ABCA9: variants seen among roughly 807,000 people sequenced by gnomAD.
The protein encoded by ABCA9 is ATP-binding cassette sub-family A member 9.
A neutral mutation model predicts 205.3 loss-of-function variants in ABCA9; 183 were observed. The ratio of observed to expected loss-of-function variants is 0.89; its 90% CI spans 0.79 to 1.01. The LOEUF (loss-of-function observed/expected upper bound fraction) is 1.01, where lower values mean the gene tolerates loss of function less well. Ranked by LOEUF, ABCA9 falls within the 50% of genes least tolerant of loss-of-function variation. The pLI, the probability that ABCA9 is intolerant of heterozygous loss-of-function variation, is 0.00. For missense variants in ABCA9, 1,805 were observed against 1,912.4 expected (o/e 0.94, Z 1.05); for synonymous variants, 651 against 683.3 (o/e 0.95, Z 0.74).
chr17:68,976,160 C>T lies in ABCA9; in HGVS notation c.4751G>A (p.Ser1584Asn), dbSNP rs2068887251. 1 of 1,613,940 alleles carries T rather than the reference C, an allele frequency of 6.2e-7. No homozygotes were observed. The highest frequency in any genetic ancestry group is 8.5e-7 in the Non-Finnish European group (1 of 1,179,942). The change falls in exon 38 of 39, where the codon AGC becomes AAC. Residue 1584 changes from serine (S) to asparagine (N), a missense_variant. Ser to Asn is a conservative substitution (Grantham distance 46). Transcript: ENST00000340001. ...VKQSFDLEEY[S>N]LSQSTLEQVF... ...CTGCTCCAGGGTAGACTGTGAGAGGCTGTACTCCTCCAGGTCGAAACTCTG... is the reference window on the plus strand; with the variant it reads ...CTGCTCCAGGGTAGACTGTGAGAGGTTGTACTCCTCCAGGTCGAAACTCTG...
chr17:68,983,567 G>T, intron 36 of ABCA9, 142 bp downstream of exon 36: 1 of 1,183,136 alleles, frequency 8.5e-7, no homozygotes, highest in Non-Finnish European at 1.2e-6. Flanking sequence ...GTGAGCCCTT[G>T]GAATTGAATT....
In ABCA9 at chr17:69,016,357, G is replaced by C. The variant is rs769198846; in HGVS notation, c.2935C>G (p.Arg979Gly). 8 of 1,600,924 alleles carry C rather than the reference G, an allele frequency of 5.0e-6. No homozygotes were observed. Among genetic ancestry groups the C allele is most frequent in the Middle Eastern group, 3.3e-4 (2 of 6,026 alleles). Residue 979 changes from arginine to glycine, a missense_variant, in exon 22 of 39, where the codon CGG (arginine) becomes GGG (glycine). Transcript: ENST00000340001. The part of the protein sequence containing the change: ...HRFSIACNTK[R>G]LNCFPVLLDV... ...AGGAGGACAGGAAAGCAATTCAGCC[G>C]TTTTGTATTACATGCTATTGAAAAT... is the stretch of plus-strand genomic sequence containing the variant.
chr17:69,043,409 GACCCCTGGTCTAAGGAGTCA>G, intron 6 of ABCA9, 60 bp downstream of exon 6: 1 of 1,214,868 alleles, frequency 8.2e-7, no homozygotes, highest in Non-Finnish European at 1.1e-6. Context: ...GGGGCTTGGG[GACCCCTGGTCTAAGGAGTCA>G]ACCAGCTAAG....
chr17:69,042,615 G>A (rs1256705719), intron 6 of ABCA9: 2 of 152,174 alleles, frequency 1.3e-5, no homozygotes, highest in South Asian at 2.1e-4. Context: ...GAAACCTCAC[G>A]TGTTTGTGTA....
rs1345815052 is a variant in ABCA9 at position 69,035,672 on chromosome 17, A to G, written c.930T>C (p.Tyr310=). 1.2e-6 allele frequency: 2 copies of G among 1,613,714 alleles called. No homozygotes were observed. The highest frequency in any genetic ancestry group is 3.3e-5 in the Admixed American group (2 of 59,966). ...TTAACCAACTCACCAAAGACAGGCCATAGAGGAGAAAGAGGGTGAAGACCA... is the reference window on the plus strand; with the variant it reads ...TTAACCAACTCACCAAAGACAGGCCGTAGAGGAGAAAGAGGGTGAAGACCA... ...FVMVFTLFLL[Y]GLSLITLAFL... The change falls in exon 7 of 39, where the codon TAT becomes TAC. Residue 310 remains tyrosine (Y), a synonymous_variant. Coordinates refer to ENST00000340001, the MANE Select transcript of ABCA9 (RefSeq NM_080283.4).
At chr17:69,063,509 G>A (rs148579157), upstream of ABCA9, among the ~76,000 whole-genome samples, 2,434 of 152,258 alleles carry the variant, frequency 0.016, 28 homozygotes, top group South Asian at 0.034. Context: ...TTATCTTCTT[G>A]CTTTTCATTC....
chr17:69,026,504 G>C (rs1484069852), intron 15 of ABCA9, 37 bp from the exon 16 acceptor site: 1 of 1,516,096 alleles, frequency 6.6e-7, no homozygotes, highest in East Asian at 2.3e-5. Flanking sequence ...TTACATGAAG[G>C]ACTTATTTCT....
rs143322521 is a variant in ABCA9, at chr17:68,975,629, A to G, written c.*286T>C. ...AAGCATTCTCCATGACATCCTCAGA[A>G]ATGTAGACAATTCTATAATAAATGC... On this transcript the variant is annotated 3_prime_UTR_variant, in exon 39 of 39. Transcript: ENST00000340001. 7 of 233,618 alleles carry G rather than the reference A, an allele frequency of 3.0e-5. No individual in the cohort carries two copies. The East Asian group carries it at 6.0e-4, about 20-fold the overall frequency. 14.5% of individuals were successfully genotyped at this position (233,618 alleles called of 1,614,324 possible). A position where few individuals can be genotyped will look rare whatever the true frequency, so the allele number is the denominator to read the frequency against.
In ABCA9 at chr17:68,989,872, C is replaced by G. The variant is rs149991432; in HGVS notation, c.3896G>C (p.Cys1299Ser). ...AATTTTTTTCTTCCTTTTAGAAAAGCAATTTTTCTTTTTGCCTGCATATTC... is the reference window on the plus strand; with the variant it reads ...AATTTTTTTCTTCCTTTTAGAAAAGGAATTTTTCTTTTTGCCTGCATATTC... ...RKEYAGKKKNCFSKRKKKIAT... is the reference protein window; with the variant it reads ...RKEYAGKKKNSFSKRKKKIAT... The change falls in exon 30 of 39, where the codon TGC (cysteine) becomes TCC (serine). Residue 1299 changes from cysteine (C) to serine (S), a missense_variant. Coordinates refer to ENST00000340001, the MANE Select transcript of ABCA9 (RefSeq NM_080283.4). 3.7e-5 allele frequency: 60 copies of G among 1,613,364 alleles called. No homozygotes were observed. The African/African-American group carries it at 6.0e-4, about 16-fold the overall frequency.
chr17:68,976,052 C>G lies in ABCA9; in HGVS notation c.4777-39G>C, dbSNP rs190608661. 8.7e-6 allele frequency: 14 copies of G among 1,604,612 alleles called. No homozygotes were observed. The East Asian group carries it at 3.1e-4, about 36-fold the overall frequency. On this transcript the variant is annotated intron_variant, in intron 38 of 38. Coordinates refer to ENST00000340001, the MANE Select transcript of ABCA9 (RefSeq NM_080283.4). ...AAGAAATAAAGAGAGGAGAACAATG[C>G]CATACTGCCTCCTGCAGCTCCAGGC...
chr17:68,983,751 G>C lies in ABCA9; in HGVS notation c.4598C>G (p.Ala1533Gly). The change falls in exon 36 of 39, where the codon GCA (alanine) becomes GGA (glycine). Residue 1533 changes from alanine (A) to glycine (G), a missense_variant. Physicochemically the swap from Ala to Gly is moderately conservative, Grantham distance 60. Transcript: ENST00000340001. ...KNLAQMEPLH[A>G]EILRLFPQAA... ...CTGGGGGAAAAGCCTCAGGATCTCT[G>C]CATGGAGGGGCTCCATTTGTGCCAG... 6.2e-7 allele frequency: 1 copy of C among 1,614,218 alleles called. No individual in the cohort carries two copies. The highest frequency in any genetic ancestry group is 8.5e-7 in the Non-Finnish European group (1 of 1,180,042).
the ABCA9 span, among the ~76,000 whole-genome samples, chr17:69,068,583 T>C: frequency 6.6e-6 from 1 of 152,140 alleles, no homozygotes; most frequent in East Asian, 1.9e-4. Context: ...TTTAAGGTGG[T>C]TTGGCAAAGG....
chr17:68,990,075 C>T (rs1398021816), intron 29 of ABCA9, 145 bp from the exon 30 acceptor site: 1 of 669,606 alleles, frequency 1.5e-6, no homozygotes, highest in African/African-American at 1.8e-5. Flanking sequence ...TTCAAGTGAA[C>T]TCTTACAGTC....
chr17:68,978,148 C>T (rs1325211345), intron 37 of ABCA9, among the ~76,000 whole-genome samples: 1 of 152,156 alleles, frequency 6.6e-6, no homozygotes, highest in Admixed American at 6.5e-5. Flanking sequence ...AATCTGGGTG[C>T]TCCTGTATTG....
In ABCA9 at chr17:68,985,058, G is replaced by T. The variant is rs374600027; in HGVS notation, c.4279C>A (p.Arg1427=). The T allele has an allele frequency of 4.3e-6, 7 of 1,614,140 alleles. No homozygotes were observed. Among genetic ancestry groups the T allele is most frequent in the Non-Finnish European group, 5.1e-6 (6 of 1,180,028 alleles). Residue 1427 remains arginine (R), a synonymous_variant, in exon 33 of 39, where the codon CGA becomes AGA. Coordinates refer to ENST00000340001, the MANE Select transcript of ABCA9 (RefSeq NM_080283.4). The part of the protein sequence containing the change: ...PVKTLSEGIK[R]KLCFVLSILG... ...ACAACAAGCCCTGCCCGTACCTTTCGCTTTATTCCCTCTGACAAGGTCTTC... is the reference window on the plus strand; with the variant it reads ...ACAACAAGCCCTGCCCGTACCTTTCTCTTTATTCCCTCTGACAAGGTCTTC...
chr17:69,043,000 C>T (rs781000983), intron 6 of ABCA9: 30 of 158,824 alleles, frequency 1.9e-4, no homozygotes, highest in Non-Finnish European at 2.7e-4. Flanking sequence ...AATAATTATA[C>T]AACTTACCAT....
At chr17:68,989,197 G>C (rs898770818) in intron 30 of ABCA9, 79 bp from the exon 31 acceptor site, 13 of 860,476 alleles carry the variant, frequency 1.5e-5, no homozygotes, top group Non-Finnish European at 2.0e-5. Flanking sequence ...AGGGCTGTGT[G>C]TCAAGTGCTA....
At chr17:69,013,536 C>G (rs536632240) in intron 22 of ABCA9, among the ~76,000 whole-genome samples, 7 of 152,166 alleles carry the variant, frequency 4.6e-5, no homozygotes, top group African/African-American at 1.7e-4. Flanking sequence ...TGGAAGACCT[C>G]TGGGGGAGGA....
At chr17:69,012,132 T>A in intron 22 of ABCA9, 49 bp from the exon 23 acceptor site, 1 of 1,301,048 alleles carries the variant, frequency 7.7e-7, no homozygotes, top group South Asian at 1.3e-5. Flanking sequence ...GGCATCTGTT[T>A]CATCTGTACT....
Sources: gnomAD v4.1 joint callset for allele counts (sites outside exome capture counted in the v4.1 genomes callset) on GRCh38, gnomAD v4.1.1 for gene constraint, MANE v1.5 for transcripts, NCBI Gene and HGNC (gene_info 2026-07-23, HGNC 2026-07-21) for gene names.